The following HSPA12A variants were observed in gnomAD, a reference collection of about 807,000 sequenced individuals.
The protein encoded by HSPA12A is heat shock protein family A (Hsp70) member 12A.
Under a neutral mutation model 69.2 loss-of-function variants are expected in HSPA12A, and 28 were observed. The observed-to-expected ratio is 0.40, with a 90% CI of 0.30 to 0.55. HSPA12A has a LOEUF of 0.55. Ranked by LOEUF, HSPA12A falls within the 20% of genes least tolerant of loss-of-function variation. HSPA12A has a pLI of 0.38. For synonymous variants in HSPA12A, 345 were observed against 370.5 expected, an observed-to-expected ratio of 0.93 and a Z score of 0.79; for missense variants, 686 against 900.7, an observed-to-expected ratio of 0.76 and a Z score of 3.05.
chr10:116,683,721 C>G (rs1849486705), intron 7 of HSPA12A, 70 bp downstream of exon 7: 2 of 1,381,798 alleles, frequency 1.4e-6, no homozygotes, highest in Non-Finnish European at 1.9e-6. Context: ...TTAAAATCAT[C>G]AGAGGGAGAG....
At chr10:116,842,696 G>GGGTTCAAGCGATTCTCC (rs1254063448) in intron 1 of HSPA12A, among the ~76,000 whole-genome samples, 1 of 152,166 alleles carries the variant, frequency 6.6e-6, no homozygotes, top group Non-Finnish European at 1.5e-5. Context: ...TCTGCCTCCC[G>GGGTTCAAGCGATTCTCC]GGTTCAAGCG....
At chr10:116,849,566 C>G in exon 1 of HSPA12A, 1 of 1,538,514 alleles carries the variant, frequency 6.5e-7, no homozygotes, top group Non-Finnish European at 8.8e-7. Flanking sequence ...AATCTCCTAC[C>G]ATGGAGGAAG....
At chr10:116,822,406 C>G (rs1218984498) in intron 2 of HSPA12A, among the ~76,000 whole-genome samples, 2 of 152,182 alleles carry the variant, frequency 1.3e-5, no homozygotes. Flanking sequence ...GGCTTATGAA[C>G]ATACAGAAAG....
intron 2 of HSPA12A, among the ~76,000 whole-genome samples, chr10:116,783,277 T>C (rs1472827145): frequency 1.3e-5 from 2 of 152,084 alleles, no homozygotes; most frequent in South Asian, 2.1e-4. Flanking sequence ...GTTGGAGACA[T>C]GTCTGGAAGA....
chr10:116,691,702 GC>G (rs1324824859), intron 6 of HSPA12A, among the ~76,000 whole-genome samples: 1 of 152,212 alleles, frequency 6.6e-6, no homozygotes. Flanking sequence ...CACAGCAGCC[GC>G]CCCTAGTGCC....
At chr10:116,847,732 G>A (rs1306961131) in intron 1 of HSPA12A, among the ~76,000 whole-genome samples, 2 of 152,162 alleles carry the variant, frequency 1.3e-5, no homozygotes, top group African/African-American at 4.8e-5. Context: ...CAGACACAGT[G>A]GCGAACAAGA....
intron 2 of HSPA12A, among the ~76,000 whole-genome samples, chr10:116,761,561 T>TA (rs1843973827): frequency 8.4e-5 from 1 of 11,952 alleles, no homozygotes; most frequent in Admixed American, 2.3e-3. Flanking sequence ...AGAACTCATC[T>TA]AAAAAAAGTA....
chr10:116,758,256 C>T (rs1376635678), intron 2 of HSPA12A, among the ~76,000 whole-genome samples: 3 of 152,182 alleles, frequency 2.0e-5, no homozygotes, highest in Non-Finnish European at 4.4e-5. Context: ...GCATCGCTAG[C>T]TCTGCTCACC....
chr10:116,791,810 G>A (rs780401450), intron 2 of HSPA12A, among the ~76,000 whole-genome samples: 5 of 151,958 alleles, frequency 3.3e-5, no homozygotes, highest in Non-Finnish European at 7.4e-5. Context: ...CCACGGGCAT[G>A]TGGTTTCCCT....
intron 2 of HSPA12A, among the ~76,000 whole-genome samples, chr10:116,753,211 A>G (rs934729993): frequency 6.6e-6 from 1 of 152,118 alleles, no homozygotes; most frequent in Non-Finnish European, 1.5e-5. Context: ...TGCAGGGCAA[A>G]CCCATGGCAG....
chr10:116,695,841 G>C (rs7897233), intron 5 of HSPA12A, among the ~76,000 whole-genome samples: 1 of 42,190 alleles, frequency 2.4e-5, no homozygotes, highest in Non-Finnish European at 4.8e-5. Context: ...AAAGAAAAAA[G>C]AAAAAACAAA....
intron 1 of HSPA12A, among the ~76,000 whole-genome samples, chr10:116,737,841 T>C (rs1345932755): frequency 1.3e-5 from 2 of 152,120 alleles, no homozygotes; most frequent in Non-Finnish European, 2.9e-5. Flanking sequence ...TCATTTGCAA[T>C]GACAGGAACG....
intron 3 of HSPA12A, among the ~76,000 whole-genome samples, chr10:116,703,422 C>T (rs1850136755): frequency 6.6e-6 from 1 of 151,752 alleles, no homozygotes; most frequent in East Asian, 1.9e-4. Flanking sequence ...TAGTCTCAGC[C>T]ACTTGGGAGG....
intron 3 of HSPA12A, among the ~76,000 whole-genome samples, chr10:116,701,481 G>A (rs1298964444): frequency 2.6e-5 from 4 of 152,230 alleles, no homozygotes; most frequent in Admixed American, 1.3e-4. Flanking sequence ...TTATTTGCAA[G>A]CACTCAATAG....
At chr10:116,734,018 G>A (rs782582692) in intron 1 of HSPA12A, among the ~76,000 whole-genome samples, 20 of 152,058 alleles carry the variant, frequency 1.3e-4, no homozygotes, top group Non-Finnish European at 2.6e-4. Context: ...AAACAAGGTC[G>A]GTGTACATCA....
intron 10 of HSPA12A, among the ~76,000 whole-genome samples, chr10:116,677,654 C>T (rs1377011664): frequency 6.6e-6 from 1 of 152,182 alleles, no homozygotes; most frequent in African/African-American, 2.4e-5. Context: ...CTTTCACTTC[C>T]ACTAAAAGGA....
At chr10:116,712,744 A>G (rs1159537242) in intron 1 of HSPA12A, among the ~76,000 whole-genome samples, 2 of 151,926 alleles carry the variant, frequency 1.3e-5, no homozygotes, top group African/African-American at 4.8e-5. Context: ...GATACATAAA[A>G]TCAATTCTGC....
intron 1 of HSPA12A, among the ~76,000 whole-genome samples, chr10:116,714,491 C>T (rs1287324486): frequency 2.0e-5 from 3 of 152,166 alleles, no homozygotes; most frequent in African/African-American, 7.2e-5. Context: ...TGCTAAGTCA[C>T]CACTACAGCC....
chr10:116,701,760 T>G (rs572431047), intron 3 of HSPA12A, among the ~76,000 whole-genome samples: 9 of 151,802 alleles, frequency 5.9e-5, no homozygotes, highest in South Asian at 2.1e-4. Context: ...AGTATGTGAG[T>G]GGGAAGAGTG....
Sources: allele counts gnomAD v4.1 joint callset (sites outside exome capture counted in the v4.1 genomes callset), GRCh38; gene constraint gnomAD v4.1.1; transcripts MANE v1.5; gene names NCBI Gene and HGNC (gene_info 2026-07-23, HGNC 2026-07-21).